Variants in CBR4 observed in about 807,000 individuals in gnomAD.
CBR4 encodes carbonyl reductase 4, also known as 3-oxoacyl-[acyl-carrier-protein] reductase.
CBR4 carries 22 observed loss-of-function variants against 21.0 expected under a neutral mutation model. The ratio of observed to expected loss-of-function variants is 1.05; its 90% CI spans 0.75 to 1.50. The LOEUF (loss-of-function observed/expected upper bound fraction) is 1.50, where lower values mean the gene tolerates loss of function less well. Among genes scored for constraint, CBR4 ranks in the 40% most tolerant of loss-of-function variants. The probability of loss-of-function intolerance (pLI) is 0.00; values close to 1 mark genes in which losing one functional copy is unlikely to be tolerated. For synonymous variants in CBR4, 100 were observed against 104.4 expected, an observed-to-expected ratio of 0.96 and a Z score of 0.26; for missense variants, 302 against 286.3, an observed-to-expected ratio of 1.05 and a Z score of -0.40.
chr4:168,955,772 C>G (rs946590543), intron 2 of CBR4, among the ~76,000 whole-genome samples: 2 of 152,148 alleles, frequency 1.3e-5, no homozygotes, highest in African/African-American at 4.8e-5. Flanking sequence ...CCGGTCAGGA[C>G]AGACCATGGA....
intron 2 of CBR4, among the ~76,000 whole-genome samples, chr4:168,975,354 G>A (rs1764336939): frequency 1.3e-5 from 2 of 152,204 alleles, no homozygotes; most frequent in South Asian, 4.1e-4. Flanking sequence ...TTGTAATTTA[G>A]TGCACTGGTT....
chr4:168,990,388 C>T, intron 4 of CBR4, 60 bp from the exon 5 acceptor site: 2 of 1,299,916 alleles, frequency 1.5e-6, no homozygotes, highest in Non-Finnish European at 2.0e-6. Flanking sequence ...TGCTGAATTT[C>T]AAAAAAAATA....
chr4:169,002,782 C>A (rs929191598), intron 3 of CBR4, among the ~76,000 whole-genome samples: 2 of 149,934 alleles, frequency 1.3e-5, no homozygotes, highest in Non-Finnish European at 3.0e-5. Context: ...CTTGTAGCAA[C>A]CTTGCAACAA....
chr4:169,010,120 T>C lies in CBR4; in HGVS notation c.-31A>G, dbSNP rs758376937. On this transcript the variant is annotated 5_prime_UTR_variant, in exon 1 of 5. Transcript: ENST00000306193. ...AGTCACAAACTCGGAGGAAAGAGGG[T>C]AGGGAGTGGGAGCCCCTCTCCAGGT... 4 of 1,563,818 alleles carry C rather than the reference T, an allele frequency of 2.6e-6. No individual in the cohort carries two copies. The highest frequency in any genetic ancestry group is 2.9e-5 in the African/African-American group (2 of 69,314).
At chr4:168,898,332 T>G in intron 2 of CBR4, 2 of 662,362 alleles carry the variant, frequency 3.0e-6, no homozygotes, top group Non-Finnish European at 5.5e-6. Flanking sequence ...CACTTCCAGA[T>G]GTTTTTTGTT....
intron 2 of CBR4, among the ~76,000 whole-genome samples, chr4:168,915,691 T>C (rs914541751): frequency 6.6e-6 from 1 of 152,206 alleles, no homozygotes. Flanking sequence ...TAGCCTGCAA[T>C]TGGCAGACAA....
intron 2 of CBR4, among the ~76,000 whole-genome samples, chr4:168,941,140 A>C (rs1025012398): frequency 2.0e-5 from 3 of 152,116 alleles, no homozygotes; most frequent in Non-Finnish European, 4.4e-5. Flanking sequence ...AAACACATAG[A>C]CACAGGGAGG....
chr4:168,970,161 A>C (rs1198511884), intron 2 of CBR4, among the ~76,000 whole-genome samples: 2 of 152,184 alleles, frequency 1.3e-5, no homozygotes, highest in Non-Finnish European at 2.9e-5. Flanking sequence ...TATATTGCAT[A>C]AACTTTTTAT....
At chr4:169,007,261 T>G (rs1302064318) in intron 2 of CBR4, among the ~76,000 whole-genome samples, 1 of 152,184 alleles carries the variant, frequency 6.6e-6, no homozygotes, top group African/African-American at 2.4e-5. Context: ...AATTCATCTT[T>G]TAAAAAATAA....
intron 2 of CBR4, among the ~76,000 whole-genome samples, chr4:168,976,493 T>C (rs1400613846): frequency 6.6e-6 from 1 of 152,228 alleles, no homozygotes; most frequent in African/African-American, 2.4e-5. Flanking sequence ...TTATCATTAG[T>C]TCTTATAGAT....
intron 2 of CBR4, among the ~76,000 whole-genome samples, chr4:168,902,595 C>A (rs1756759460): frequency 1.3e-5 from 2 of 151,984 alleles, no homozygotes; most frequent in Admixed American, 1.3e-4. Context: ...TGAGCCAAGA[C>A]TGCACCACCG....
downstream of CBR4, among the ~76,000 whole-genome samples, chr4:168,987,185 A>G (rs1408478923): frequency 3.9e-5 from 6 of 152,250 alleles, no homozygotes; most frequent in African/African-American, 7.2e-5. Flanking sequence ...ATACTGCCTA[A>G]GAGAAAATAG....
At chr4:168,932,415 G>C (rs1762996539) in intron 2 of CBR4, among the ~76,000 whole-genome samples, 1 of 151,942 alleles carries the variant, frequency 6.6e-6, no homozygotes, top group Non-Finnish European at 1.5e-5. Flanking sequence ...AATAAAGAAA[G>C]CCTACAGAAT....
intron 2 of CBR4, among the ~76,000 whole-genome samples, chr4:169,007,203 G>C (rs922786530): frequency 2.1e-4 from 32 of 152,180 alleles, no homozygotes; most frequent in African/African-American, 6.5e-4. Flanking sequence ...GCCATACTAA[G>C]CCTTGTTTAG....
Position 169,009,913 on chromosome 4 carries a change from G to A in CBR4, c.142+35C>T, listed in dbSNP as rs757121647. The A allele has an allele frequency of 6.3e-6, 10 of 1,587,300 alleles. No homozygotes were observed. The Admixed American group carries it at 7.2e-5, about 12-fold the overall frequency. On this transcript the variant is annotated intron_variant, in intron 1 of 4. Transcript: ENST00000306193. ...ATTTTCTTTAGGCGCCTGGACCGCG[G>A]CCATACAACTGGACAACTCCAGTTT...
At chr4:168,929,362 T>A (rs57137432) in intron 2 of CBR4, among the ~76,000 whole-genome samples, 8,493 of 152,284 alleles carry the variant, frequency 0.056, 751 homozygotes, top group African/African-American at 0.19. Flanking sequence ...CTTTTACATA[T>A]GCAATATAAT....
At position 168,970,021 on chromosome 4, in the gene CBR4, C is replaced by T. The variant is rs112529337; in HGVS notation, n.169+32050G>A. 9.5e-4 allele frequency among the ~76,000 whole-genome samples: 145 copies of T among 152,322 alleles called. 1 individual carries two copies. Among genetic ancestry groups the T allele is most frequent in the African/African-American group, 3.4e-3 (140 of 41,568 alleles). On this transcript the variant is annotated intron_variant and non_coding_transcript_variant, in intron 2 of 3. Coordinates refer to the CBR4 transcript ENST00000509108. ...CTCTAGTGTGAACACAGGTTCAACACATGCTGGCTATGTGTTTCCTCTTCT... is the reference window on the plus strand; with the variant it reads ...CTCTAGTGTGAACACAGGTTCAACATATGCTGGCTATGTGTTTCCTCTTCT...
At chr4:168,966,073 GT>G in intron 2 of CBR4, among the ~76,000 whole-genome samples, 1 of 152,198 alleles carries the variant, frequency 6.6e-6, no homozygotes, top group African/African-American at 2.4e-5. Context: ...ATATCAGAAA[GT>G]GGGCAAAGGA....
At chr4:168,994,603 C>G (rs1765093638) in intron 4 of CBR4, among the ~76,000 whole-genome samples, 1 of 152,070 alleles carries the variant, frequency 6.6e-6, no homozygotes, top group African/African-American at 2.4e-5. Flanking sequence ...TCTTTTGAGA[C>G]AGTCTGGCTC....
Sources: allele counts gnomAD v4.1 joint callset (sites outside exome capture counted in the v4.1 genomes callset), GRCh38; gene constraint gnomAD v4.1.1; transcripts MANE v1.5; gene names NCBI Gene and HGNC (gene_info 2026-07-23, HGNC 2026-07-21).